PPARGC1A: variants seen among roughly 807,000 people sequenced by gnomAD.
PPARGC1A encodes the protein PPARG coactivator 1 alpha, also known as peroxisome proliferator-activated receptor gamma coactivator 1-alpha.
Under a neutral mutation model 88.7 loss-of-function variants are expected in PPARGC1A, and 25 were observed. That is an observed-to-expected ratio of 0.28 (90% CI 0.21 to 0.39). PPARGC1A has a LOEUF of 0.39. Ranked by LOEUF, PPARGC1A falls within the 10% of genes least tolerant of loss-of-function variation. The pLI, the probability that PPARGC1A is intolerant of heterozygous loss-of-function variation, is 1.00. For synonymous variants in PPARGC1A, 363 were observed against 355.6 expected (o/e 1.02, Z -0.24); for missense variants, 880 against 968.7 (o/e 0.91, Z 1.22).
the PPARGC1A span, among the ~76,000 whole-genome samples, chr4:24,431,146 A>AG: frequency 7.0e-6 from 1 of 143,520 alleles, no homozygotes; most frequent in East Asian, 2.5e-4. Flanking sequence ...AAAAAAAGAG[A>AG]AAAAAAAAAG....
the PPARGC1A span, among the ~76,000 whole-genome samples, chr4:24,334,214 G>A: frequency 3.9e-5 from 6 of 152,082 alleles, no homozygotes; most frequent in South Asian, 2.1e-4. Context: ...CAGTCACACC[G>A]TGAGAACCAA....
chr4:24,264,681 A>C, the PPARGC1A span, among the ~76,000 whole-genome samples: 1,923 of 152,374 alleles, frequency 0.013, 46 homozygotes, highest in East Asian at 0.12. Context: ...AGTGCCTGCT[A>C]CTAAGAATTA....
intron 10 of PPARGC1A, among the ~76,000 whole-genome samples, chr4:23,810,710 C>G (rs769386395): frequency 5.9e-5 from 9 of 152,098 alleles, no homozygotes; most frequent in Non-Finnish European, 1.3e-4. Context: ...AACTATTAAT[C>G]TTTCTCTTTA....
chr4:24,328,383 T>C, the PPARGC1A span, among the ~76,000 whole-genome samples: 4 of 152,268 alleles, frequency 2.6e-5, no homozygotes, highest in Non-Finnish European at 4.4e-5. Flanking sequence ...CCTTAATTTC[T>C]TCTGTCATGG....
chr4:24,103,469 G>C, the PPARGC1A span, among the ~76,000 whole-genome samples: 2 of 152,080 alleles, frequency 1.3e-5, no homozygotes, highest in South Asian at 2.1e-4. Flanking sequence ...CCAGGACAGA[G>C]AGCAGAGCCC....
chr4:23,844,749 TATG>T (rs1389221683), intron 2 of PPARGC1A, among the ~76,000 whole-genome samples: 8 of 103,824 alleles, frequency 7.7e-5, no homozygotes, highest in African/African-American at 2.6e-4. Context: ...TATCATAATA[TATG>T]ATATATATTA....
chr4:23,878,904 C>T (rs1330532010), intron 2 of PPARGC1A, among the ~76,000 whole-genome samples: 4 of 152,208 alleles, frequency 2.6e-5, no homozygotes, highest in Admixed American at 6.5e-5. Flanking sequence ...TGAGTTTCAA[C>T]ATTCTTCAAT....
the PPARGC1A span, among the ~76,000 whole-genome samples, chr4:24,030,399 G>A: frequency 1.3e-5 from 2 of 152,202 alleles, no homozygotes; most frequent in African/African-American, 4.8e-5. Context: ...GTCTGAGAAA[G>A]GTTTACATTC....
the PPARGC1A span, among the ~76,000 whole-genome samples, chr4:24,460,367 C>A: frequency 6.6e-6 from 1 of 152,128 alleles, no homozygotes; most frequent in East Asian, 1.9e-4. Context: ...TTACGGTTTA[C>A]AAACACTCCC....
At chr4:23,926,589 T>C in the PPARGC1A span, among the ~76,000 whole-genome samples, 1 of 152,348 alleles carries the variant, frequency 6.6e-6, no homozygotes, top group East Asian at 1.9e-4. Context: ...CTGCCTCCAG[T>C]CTGACCTCTT....
chr4:24,006,731 C>T, the PPARGC1A span, among the ~76,000 whole-genome samples: 2 of 152,052 alleles, frequency 1.3e-5, no homozygotes, highest in African/African-American at 4.8e-5. Flanking sequence ...TTGAGTGTTA[C>T]TGTTCACCAG....
At position 23,844,725 on chromosome 4, in the gene PPARGC1A, T is replaced by TATTATATATATATTATA. The variant is rs1560428162; in HGVS notation, c.235-12975_235-12974insTATAATATATATATAAT. 1.9e-3 allele frequency among the ~76,000 whole-genome samples: 175 copies of TATTATATATATATTATA among 90,524 alleles called. 12 individuals carry two copies. The highest frequency in any genetic ancestry group is 8.3e-3 in the African/African-American group (169 of 20,312). The allele number at this position is 90,524 out of a possible 152,430, so 59.4% of individuals were successfully genotyped here. On this transcript the variant is annotated intron_variant, in intron 2 of 12. Transcript: ENST00000264867. ...TATCATAATATATGATATATATTATTATAATATATGATATATCATAATATA... is the reference window on the plus strand; with the variant it reads ...TATCATAATATATGATATATATTATTATTATATATATATTATAATAATATATGATATATCATAATATA...
chr4:24,175,345 G>T, the PPARGC1A span, among the ~76,000 whole-genome samples: 7 of 150,406 alleles, frequency 4.7e-5, no homozygotes, highest in Non-Finnish European at 7.4e-5. Flanking sequence ...ATTTCTGGCG[G>T]GTTTTTGTTT....
At chr4:24,337,516 G>A in the PPARGC1A span, among the ~76,000 whole-genome samples, 13 of 152,104 alleles carry the variant, frequency 8.5e-5, no homozygotes, top group African/African-American at 1.2e-4. Flanking sequence ...GGAGGCAGGC[G>A]TGGAGCGCTC....
At chr4:23,905,880 C>G (rs183978555), upstream of PPARGC1A, among the ~76,000 whole-genome samples, 3 of 152,110 alleles carry the variant, frequency 2.0e-5, no homozygotes, top group Admixed American at 2.0e-4. Context: ...TGTTTGTGCC[C>G]AACAGTCGCA....
At chr4:24,385,630 T>C in the PPARGC1A span, among the ~76,000 whole-genome samples, 1 of 152,126 alleles carries the variant, frequency 6.6e-6, no homozygotes. Context: ...GCAAATAGAC[T>C]AGAAAATCTG....
At chr4:24,292,679 C>A in the PPARGC1A span, among the ~76,000 whole-genome samples, 1 of 70,832 alleles carries the variant, frequency 1.4e-5, no homozygotes, top group Non-Finnish European at 2.8e-5. Flanking sequence ...TACCCCCTCA[C>A]CCCCACCCCT....
chr4:23,863,117 A>G (rs1048332420), intron 2 of PPARGC1A, among the ~76,000 whole-genome samples: 4 of 152,106 alleles, frequency 2.6e-5, no homozygotes, highest in Admixed American at 2.6e-4. Flanking sequence ...CCTATCACTT[A>G]ATATGACAAC....
the PPARGC1A span, among the ~76,000 whole-genome samples, chr4:24,393,747 AG>A: frequency 6.6e-6 from 1 of 152,216 alleles, no homozygotes; most frequent in Non-Finnish European, 1.5e-5. Context: ...CATCTGTACT[AG>A]TATTTGCTTA....
Sources: allele counts gnomAD v4.1 joint callset (sites outside exome capture counted in the v4.1 genomes callset), GRCh38; gene constraint gnomAD v4.1.1; transcripts MANE v1.5; gene names NCBI Gene and HGNC (gene_info 2026-07-23, HGNC 2026-07-21).